CA6: variants seen among roughly 807,000 people sequenced by gnomAD.
CA6 encodes the protein carbonate dehydratase VI.
Under a neutral mutation model 35.9 loss-of-function variants are expected in CA6, and 28 were observed. The observed-to-expected ratio is 0.78, with a 90% CI of 0.58 to 1.07. CA6 has a LOEUF of 1.07. Among genes scored for constraint, CA6 ranks in the 50% least tolerant of loss-of-function variants. The probability of loss-of-function intolerance (pLI) is 0.00; values close to 1 mark genes in which losing one functional copy is unlikely to be tolerated. For missense variants in CA6, 377 were observed against 382.0 expected, an observed-to-expected ratio of 0.99 and a Z score of 0.11; for synonymous variants, 148 against 152.6, an observed-to-expected ratio of 0.97 and a Z score of 0.22.
intron 2 of CA6, among the ~76,000 whole-genome samples, chr1:8,953,155 C>T (rs1298948942): frequency 2.6e-5 from 4 of 152,188 alleles, no homozygotes; most frequent in African/African-American, 7.2e-5. Context: ...ACATTGGCTT[C>T]TTTCACTTAG....
chr1:8,967,760 A>C lies in CA6; in HGVS notation c.673A>C (p.Thr225Pro), dbSNP rs199611530. The stretch of plus-strand genomic sequence containing the variant: ...TGGCTCACTCACCACGCCTCCCTGC[A>C]CTGAGAACGTCCACTGGTTTGTGCT... ...YHGSLTTPPC[T>P]ENVHWFVLAD... Residue 225 changes from threonine to proline, a missense_variant, in exon 6 of 8, where the codon ACT (threonine) becomes CCT (proline). Thr to Pro is a conservative substitution (Grantham distance 38, BLOSUM62 -1). Coordinates refer to ENST00000377443, the MANE Select transcript of CA6 (RefSeq NM_001215.4). The C allele has an allele frequency of 9.9e-6, 16 of 1,613,968 alleles. No homozygotes were observed. The highest frequency in any genetic ancestry group is 1.3e-5 in the Non-Finnish European group (15 of 1,180,026).
chr1:8,968,246 G>A (rs1557631803), intron 6 of CA6, among the ~76,000 whole-genome samples: 2 of 151,928 alleles, frequency 1.3e-5, no homozygotes. Flanking sequence ...GATTACAGGT[G>A]TGAGCCACTG....
chr1:8,969,467 T>C (rs1320347982), intron 6 of CA6, among the ~76,000 whole-genome samples: 2 of 151,870 alleles, frequency 1.3e-5, no homozygotes, highest in Non-Finnish European at 2.9e-5. Flanking sequence ...GAAGAGACAT[T>C]GTGTACTGGA....
intron 1 of CA6, among the ~76,000 whole-genome samples, chr1:8,947,083 C>T (rs555390184): frequency 2.0e-5 from 3 of 152,178 alleles, no homozygotes; most frequent in Admixed American, 1.3e-4. Context: ...GGATTACAGG[C>T]GTGAGCCACC....
At chr1:8,953,041 C>A (rs890730183) in intron 2 of CA6, among the ~76,000 whole-genome samples, 6 of 152,234 alleles carry the variant, frequency 3.9e-5, no homozygotes, top group African/African-American at 1.4e-4. Flanking sequence ...TCATCTTTCC[C>A]TTCCTTCCTA....
chr1:8,966,185 C>T (rs987596494), intron 5 of CA6, among the ~76,000 whole-genome samples: 1 of 152,110 alleles, frequency 6.6e-6, no homozygotes, highest in Admixed American at 6.6e-5. Flanking sequence ...TCTCGGCTCA[C>T]TGCAACCTCC....
At chr1:8,950,972 T>C (rs1335879249) in intron 2 of CA6, among the ~76,000 whole-genome samples, 1 of 152,112 alleles carries the variant, frequency 6.6e-6, no homozygotes, top group Non-Finnish European at 1.5e-5. Context: ...TCCCAGCACT[T>C]TGGGAGCCCG....
At chr1:8,952,907 T>C (rs1639580074) in intron 2 of CA6, among the ~76,000 whole-genome samples, 1 of 151,502 alleles carries the variant, frequency 6.6e-6, no homozygotes, top group African/African-American at 2.5e-5. Flanking sequence ...TCCGCCCACT[T>C]CGGCCTCCCA....
chr1:8,971,955 A>G (rs1412123741), intron 7 of CA6, among the ~76,000 whole-genome samples: 1 of 152,232 alleles, frequency 6.6e-6, no homozygotes, highest in Non-Finnish European at 1.5e-5. Flanking sequence ...CATTGTCTTT[A>G]CAGCCCATTC....
At chr1:8,961,818 G>A (rs1639849093) in intron 4 of CA6, among the ~76,000 whole-genome samples, 2 of 152,284 alleles carry the variant, frequency 1.3e-5, no homozygotes, top group Non-Finnish European at 2.9e-5. Flanking sequence ...ACCTGGTGTT[G>A]GGGGAATTGT....
chr1:8,964,107 A>G (rs915106778), intron 5 of CA6, among the ~76,000 whole-genome samples: 1 of 152,138 alleles, frequency 6.6e-6, no homozygotes, highest in Non-Finnish European at 1.5e-5. Context: ...TCCCCTCTTC[A>G]GCTGCAACGG....
At chr1:8,946,641 T>C (rs1056856938) in intron 1 of CA6, among the ~76,000 whole-genome samples, 8 of 151,958 alleles carry the variant, frequency 5.3e-5, no homozygotes, top group African/African-American at 4.8e-5. Context: ...GAAAACAAAG[T>C]TCTTAGAAAA....
In CA6 at chr1:8,973,710, CTCTTTCTTTCTTTCTTTCTT is replaced by C. The variant is rs1173408031; in HGVS notation, c.845-854_845-835del. ...CTCAGGCCTGGATTTTTCTTTCTCTCTCTTTCTTTCTTTCTTTCTTTCTTTCTTTCTTTCTTTCTTTCTTT... is the reference window on the plus strand; with the variant it reads ...CTCAGGCCTGGATTTTTCTTTCTCTCTCTTTCTTTCTTTCTTTCTTTCTTT... On this transcript the variant is annotated intron_variant, in intron 7 of 7. Coordinates refer to ENST00000377443, the MANE Select transcript of CA6 (RefSeq NM_001215.4). Among the ~76,000 whole-genome samples the C allele has an allele frequency of 1.1e-3, 112 of 106,494 alleles. 1 individual carries two copies. Among genetic ancestry groups the C allele is most frequent in the Middle Eastern group, 4.3e-3 (1 of 234 alleles). The allele number at this position is 106,494 out of a possible 152,430, so 69.9% of individuals were successfully genotyped here. A position where few individuals can be genotyped will look rare whatever the true frequency, so the allele number is the denominator to read the frequency against.
intron 2 of CA6, among the ~76,000 whole-genome samples, chr1:8,953,350 A>ATGG (rs1639590134): frequency 6.6e-6 from 1 of 152,150 alleles, no homozygotes; most frequent in Non-Finnish European, 1.5e-5. Flanking sequence ...CAGGCCAGGC[A>ATGG]TGGTGGCTCA....
In CA6 at chr1:8,959,950, A is replaced by AAAAAAAAAAAAAAAAT. The variant is rs1557626625; in HGVS notation, c.501+948_501+949insAAAAAAAAAAAAAAAT. Among the ~76,000 whole-genome samples the AAAAAAAAAAAAAAAAT allele has an allele frequency of 4.8e-5, 7 of 144,594 alleles. 1 individual carries two copies. The highest frequency in any genetic ancestry group is 1.8e-4 in the African/African-American group (7 of 38,818). The allele number at this position is 144,594 out of a possible 152,430, so 94.9% of individuals were successfully genotyped here. On this transcript the variant is annotated intron_variant, in intron 4 of 7. Coordinates refer to ENST00000377443, the MANE Select transcript of CA6 (RefSeq NM_001215.4). Reference sequence around the variant, plus strand: ...CTATCTCAAAAAAAAAAAAAAAAAAAGCTGGGCGCGATGGCTCATGCCTGT... The same window carrying AAAAAAAAAAAAAAAAT: ...CTATCTCAAAAAAAAAAAAAAAAAAAAAAAAAAAAAAAAAATGCTGGGCGCGATGGCTCATGCCTGT...
chr1:8,964,519 T>C (rs528029071), intron 5 of CA6, among the ~76,000 whole-genome samples: 1 of 152,160 alleles, frequency 6.6e-6, no homozygotes, highest in East Asian at 1.9e-4. Context: ...GTGCTGGGAT[T>C]ACACGCATGA....
intron 2 of CA6, among the ~76,000 whole-genome samples, chr1:8,953,247 G>A (rs892803555): frequency 2.3e-4 from 35 of 152,220 alleles, no homozygotes; most frequent in African/African-American, 7.9e-4. Context: ...CTATTGCCTG[G>A]ATGAACCAGT....
chr1:8,968,128 C>T (rs753373042), intron 6 of CA6, among the ~76,000 whole-genome samples: 4 of 151,920 alleles, frequency 2.6e-5, no homozygotes, highest in African/African-American at 4.8e-5. Context: ...CCACCACGCC[C>T]GGCTAGTTTT....
In CA6 at chr1:8,945,868, A is replaced by T; in HGVS notation, c.-19A>T. On this transcript the variant is annotated 5_prime_UTR_variant, in exon 1 of 8. Coordinates refer to ENST00000377443, the MANE Select transcript of CA6 (RefSeq NM_001215.4). ...AAGAGCTTCGCCGGAATCAGTCTTCATTACAGATGTGCAGCACCATGAGGG... is the reference window on the plus strand; with the variant it reads ...AAGAGCTTCGCCGGAATCAGTCTTCTTTACAGATGTGCAGCACCATGAGGG... 1 of 1,583,832 alleles carries T rather than the reference A, an allele frequency of 6.3e-7. No individual in the cohort carries two copies.
Sources: allele counts gnomAD v4.1 joint callset (sites outside exome capture counted in the v4.1 genomes callset), GRCh38; gene constraint gnomAD v4.1.1; transcripts MANE v1.5; gene names NCBI Gene and HGNC (gene_info 2026-07-23, HGNC 2026-07-21).